Variants in THBS4 observed in about 807,000 individuals in gnomAD.
The protein encoded by THBS4 is thrombospondin-4.
In THBS4, 90 loss-of-function variants were observed where a neutral mutation model predicts 115.7. The ratio of observed to expected loss-of-function variants is 0.78; its 90% CI spans 0.66 to 0.93. THBS4 has a LOEUF of 0.93. Ranked by LOEUF, THBS4 falls within the 40% of genes least tolerant of loss-of-function variation. The pLI, the probability that THBS4 is intolerant of heterozygous loss-of-function variation, is 0.00. For missense variants in THBS4, 1,087 were observed against 1,232.7 expected (o/e 0.88, Z 1.77); for synonymous variants, 460 against 479.3 (o/e 0.96, Z 0.53).
At chr5:80,065,345 T>C in intron 8 of THBS4, 64 bp from the exon 9 acceptor site, 1 of 1,422,694 alleles carries the variant, frequency 7.0e-7, no homozygotes. Context: ...ACAAAGGAGA[T>C]TTATTTGCAT....
intron 1 of THBS4, among the ~76,000 whole-genome samples, chr5:79,991,569 T>C (rs1014239469): frequency 6.6e-6 from 1 of 152,198 alleles, no homozygotes; most frequent in Non-Finnish European, 1.5e-5. Flanking sequence ...ATTTACAAGA[T>C]TGTGGTATTT....
intron 15 of THBS4, among the ~76,000 whole-genome samples, chr5:80,073,726 C>T (rs963844959): frequency 1.3e-5 from 2 of 152,170 alleles, no homozygotes; most frequent in African/African-American, 4.8e-5. Context: ...TGCTCCATTC[C>T]TTGGGATCTT....
rs1832691501 is a variant in THBS4, at chr5:80,035,600, G to C, written c.63G>C (p.Ala21=). The part of the protein sequence containing the change: ...LLHLVLQRWL[A]AGAQATPQVF... ...ACCTGGTCCTGCAGCGGTGGCTAGC[G>C]GCAGGCGCCCAGGCCACCCCCCAGG... is the stretch of plus-strand genomic sequence containing the variant. The change falls in exon 1 of 22, where the codon GCG becomes GCC. Residue 21 remains alanine (A), a synonymous_variant. Transcript: ENST00000350881. The surrounding 1 kb of genome is among the most constrained non-coding windows in gnomAD (Gnocchi z 4.6). 2.1e-6 allele frequency: 3 copies of C among 1,418,544 alleles called. No homozygotes were observed. The highest frequency in any genetic ancestry group is 1.5e-5 in the African/African-American group (1 of 68,024). 87.9% of individuals were successfully genotyped at this position (1,418,544 alleles called of 1,614,324 possible).
chr5:79,992,847 TTGAG>T (rs1662121579), intron 1 of THBS4, among the ~76,000 whole-genome samples: 1 of 152,214 alleles, frequency 6.6e-6, no homozygotes, highest in African/African-American at 2.4e-5. Flanking sequence ...AGACTATCTG[TTGAG>T]TCTTCAGTAT....
At chr5:80,028,080 T>C (rs1297283240) in intron 2 of THBS4, among the ~76,000 whole-genome samples, 1 of 151,858 alleles carries the variant, frequency 6.6e-6, no homozygotes, top group Non-Finnish European at 1.5e-5. Context: ...CAGGGCACAG[T>C]AGTGCACACC....
At chr5:80,033,133 C>A, upstream of THBS4, 1 of 330,758 alleles carries the variant, frequency 3.0e-6, no homozygotes, top group Non-Finnish European at 6.3e-6. Context: ...AAAATACACA[C>A]GGTCATAAAA....
At chr5:80,042,496 A>T (rs2112039058) in intron 2 of THBS4, among the ~76,000 whole-genome samples, 1 of 152,346 alleles carries the variant, frequency 6.6e-6, no homozygotes, top group South Asian at 2.1e-4. Context: ...ATTGGCCAGT[A>T]TGTGTGAGCC....
In THBS4 at chr5:80,070,293, T is replaced by C; in HGVS notation, c.1348-13T>C. 1 of 1,554,818 alleles carries C rather than the reference T, an allele frequency of 6.4e-7. No homozygotes were observed. Among genetic ancestry groups the C allele is most frequent in the Admixed American group, 2.0e-5 (1 of 49,644 alleles). On this transcript the variant is annotated splice_polypyrimidine_tract_variant and intron_variant, in intron 10 of 21. Transcript: ENST00000350881. ...TCAGCTTCCCAGGCCTCTGATGGGC[T>C]TTCCCTTTACAGTGTGGAGTCGGTT...
At chr5:80,030,622 C>T (rs1445018631), upstream of THBS4, among the ~76,000 whole-genome samples, 1 of 152,170 alleles carries the variant, frequency 6.6e-6, no homozygotes, top group Non-Finnish European at 1.5e-5. Context: ...CGGCCTCGGC[C>T]TCCCAAAGTG....
At chr5:80,034,109 T>C (rs1832639376), upstream of THBS4, among the ~76,000 whole-genome samples, 1 of 152,216 alleles carries the variant, frequency 6.6e-6, no homozygotes, top group African/African-American at 2.4e-5. Flanking sequence ...TTAGTCGATA[T>C]TTATGCACAT....
At chr5:80,020,729 T>C (rs78387843) in intron 2 of THBS4, among the ~76,000 whole-genome samples, 1 of 152,266 alleles carries the variant, frequency 6.6e-6, no homozygotes, top group African/African-American at 2.4e-5. Flanking sequence ...TTGCATAGGC[T>C]GGCTACTGAT....
intron 1 of THBS4, among the ~76,000 whole-genome samples, chr5:79,993,797 G>T (rs1831736556): frequency 6.6e-6 from 1 of 152,130 alleles, no homozygotes; most frequent in African/African-American, 2.4e-5. Flanking sequence ...TGGTGCTGTT[G>T]GGAAAGATGA....
intron 8 of THBS4, among the ~76,000 whole-genome samples, chr5:80,063,148 C>T (rs2112109221): frequency 6.6e-6 from 1 of 152,332 alleles, no homozygotes; most frequent in Middle Eastern, 3.4e-3. Flanking sequence ...TACAGTCCCA[C>T]CAACAGTGTA....
chr5:80,016,998 C>T (rs891039682), intron 2 of THBS4, among the ~76,000 whole-genome samples: 6 of 151,874 alleles, frequency 4.0e-5, no homozygotes, highest in Non-Finnish European at 8.8e-5. Context: ...TTAAGTTGTT[C>T]CAAAGCATTT....
chr5:80,029,885 G>T (rs1229292790), intron 2 of THBS4, among the ~76,000 whole-genome samples: 2 of 152,010 alleles, frequency 1.3e-5, no homozygotes, highest in Admixed American at 6.6e-5. Flanking sequence ...TAGGAGAATG[G>T]CGTGAACCCG....
intron 2 of THBS4, among the ~76,000 whole-genome samples, chr5:80,023,233 A>G (rs893428570): frequency 3.3e-5 from 5 of 151,824 alleles, no homozygotes; most frequent in African/African-American, 9.7e-5. Flanking sequence ...CAGCCCTTGA[A>G]CTCTATTTGT....
upstream of THBS4, among the ~76,000 whole-genome samples, chr5:80,034,482 T>G (rs74562796): frequency 5.1e-3 from 774 of 152,318 alleles, 7 homozygotes; most frequent in African/African-American, 0.018. Context: ...TATCAAATAT[T>G]TTTTCCTCTA....
intron 2 of THBS4, among the ~76,000 whole-genome samples, chr5:80,011,193 C>T (rs1277813493): frequency 6.6e-6 from 1 of 152,228 alleles, no homozygotes; most frequent in African/African-American, 2.4e-5. Flanking sequence ...ACGTGACTTG[C>T]TTCTCCTTGC....
chr5:80,032,649 C>T (rs958556495), upstream of THBS4, among the ~76,000 whole-genome samples: 1 of 152,210 alleles, frequency 6.6e-6, no homozygotes, highest in Non-Finnish European at 1.5e-5. Flanking sequence ...AGCTGAAGAA[C>T]TTGGAGTCTA....
Sources: gnomAD v4.1 joint callset for allele counts (sites outside exome capture counted in the v4.1 genomes callset) on GRCh38, gnomAD v4.1.1 for gene constraint, Gnocchi (gnomAD v3.1) non-coding constraint, MANE v1.5 for transcripts, NCBI Gene and HGNC (gene_info 2026-07-23, HGNC 2026-07-21) for gene names.